Variants in GPR176 observed in about 807,000 individuals in gnomAD.
GPR176 encodes G protein-coupled receptor 176.
GPR176 carries 26 observed loss-of-function variants against 35.4 expected under a neutral mutation model. The ratio of observed to expected loss-of-function variants is 0.74; its 90% CI spans 0.54 to 1.02. The LOEUF (loss-of-function observed/expected upper bound fraction) is 1.02. GPR176 is among the 50% of genes least tolerant of loss of function. GPR176 has a pLI of 0.00. For synonymous variants in GPR176, 278 were observed against 271.3 expected, an observed-to-expected ratio of 1.02 and a Z score of -0.24; for missense variants, 597 against 665.3, an observed-to-expected ratio of 0.90 and a Z score of 1.13.
intron 1 of GPR176, among the ~76,000 whole-genome samples, chr15:39,818,360 T>C (rs1212477322): frequency 6.6e-6 from 1 of 152,236 alleles, no homozygotes; most frequent in Non-Finnish European, 1.5e-5. Context: ...GAAGAAGCTA[T>C]GTAGTAAGTT....
At chr15:39,905,608 T>A (rs2033398897) in intron 1 of GPR176, among the ~76,000 whole-genome samples, 2 of 152,040 alleles carry the variant, frequency 1.3e-5, no homozygotes, top group South Asian at 4.1e-4. Context: ...AATAAAGTCA[T>A]ATAAATGGAA....
chr15:39,806,286 C>T (rs913452209), intron 2 of GPR176, among the ~76,000 whole-genome samples: 2 of 152,192 alleles, frequency 1.3e-5, no homozygotes, highest in African/African-American at 4.8e-5. Context: ...CTTTTCAATT[C>T]TTGTTTGCTT....
intron 1 of GPR176, chr15:39,909,996 C>G: frequency 2.7e-6 from 1 of 376,984 alleles, no homozygotes; most frequent in Non-Finnish European, 3.7e-6. Context: ...ACAGGAGGAT[C>G]TGTTGTCTGC....
chr15:39,918,462 T>A (rs1033438553), intron 1 of GPR176, among the ~76,000 whole-genome samples: 2 of 152,178 alleles, frequency 1.3e-5, no homozygotes, highest in Non-Finnish European at 2.9e-5. Flanking sequence ...TGTATATATA[T>A]GTATATTGGG....
At chr15:39,806,051 C>T (rs1899170244) in intron 2 of GPR176, among the ~76,000 whole-genome samples, 1 of 152,146 alleles carries the variant, frequency 6.6e-6, no homozygotes, top group Admixed American at 6.5e-5. Flanking sequence ...GGTCCCTGGC[C>T]TGAGAGGCTG....
At chr15:39,902,845 A>G (rs1215011588) in intron 1 of GPR176, among the ~76,000 whole-genome samples, 3 of 152,238 alleles carry the variant, frequency 2.0e-5, no homozygotes, top group Admixed American at 2.0e-4. Flanking sequence ...CAGGGAGTAA[A>G]TATCACATAT....
At chr15:39,909,852 T>G in intron 1 of GPR176, 1 of 925,574 alleles carries the variant, frequency 1.1e-6, no homozygotes, top group Non-Finnish European at 1.3e-6. Context: ...TTGGTAATCT[T>G]GAGGTTTTCT....
intron 1 of GPR176, among the ~76,000 whole-genome samples, chr15:39,868,103 A>G (rs113502652): frequency 5.3e-5 from 8 of 152,176 alleles, no homozygotes; most frequent in African/African-American, 1.9e-4. Context: ...TCATTAAGAG[A>G]TAGCTAAGTG....
chr15:39,895,686 G>A (rs1245462394), intron 1 of GPR176, among the ~76,000 whole-genome samples: 3 of 152,018 alleles, frequency 2.0e-5, no homozygotes, highest in South Asian at 2.1e-4. Flanking sequence ...GATGAGGGTG[G>A]TAGAGCATTT....
At chr15:39,889,844 A>T (rs2032808700) in intron 1 of GPR176, among the ~76,000 whole-genome samples, 1 of 152,202 alleles carries the variant, frequency 6.6e-6, no homozygotes, top group Non-Finnish European at 1.5e-5. Flanking sequence ...TATGCACAAA[A>T]GAAAACACAG....
In GPR176 at chr15:39,839,435, C is replaced by T. The variant is rs146518513; in HGVS notation, c.173-32177G>A. Among the ~76,000 whole-genome samples the T allele has an allele frequency of 9.6e-3, 1,454 of 152,236 alleles. 24 individuals carry two copies. Among genetic ancestry groups the T allele is most frequent in the African/African-American group, 0.034 (1,407 of 41,534 alleles). ...AAATTGGCTAGCCATATGTAGAAAG[C>T]TGAAACTGAATCCCTTCCTCACACC... On this transcript the variant is annotated intron_variant, in intron 1 of 2. Transcript: ENST00000561100.
chr15:39,855,334 G>T (rs183551086), intron 1 of GPR176, among the ~76,000 whole-genome samples: 166 of 152,292 alleles, frequency 1.1e-3, no homozygotes, highest in African/African-American at 3.9e-3. Flanking sequence ...ATTTCGTCTT[G>T]TGTGTCCCAA....
intron 1 of GPR176, among the ~76,000 whole-genome samples, chr15:39,906,877 A>G (rs184878997): frequency 2.4e-4 from 37 of 152,384 alleles, no homozygotes; most frequent in Middle Eastern, 6.8e-3. Context: ...AGCACAAACT[A>G]TGCACCAGGC....
intron 1 of GPR176, among the ~76,000 whole-genome samples, chr15:39,817,050 C>T (rs993304654): frequency 2.0e-4 from 20 of 98,664 alleles, no homozygotes; most frequent in African/African-American, 8.1e-4. Context: ...GCCTTGGTAA[C>T]AGAGCAGGAT....
intron 1 of GPR176, among the ~76,000 whole-genome samples, chr15:39,919,178 C>G (rs2033805643): frequency 6.6e-6 from 1 of 151,976 alleles, no homozygotes; most frequent in African/African-American, 2.4e-5. Flanking sequence ...TCTTTTCTTC[C>G]CTGAACAAGT....
At chr15:39,888,282 GT>G (rs34625807) in intron 1 of GPR176, among the ~76,000 whole-genome samples, 61,358 of 151,536 alleles carry the variant, frequency 0.4, 12,749 homozygotes, top group African/African-American at 0.49. Context: ...CTTTTTATTT[GT>G]TTTTTTTGTT....
intron 1 of GPR176, among the ~76,000 whole-genome samples, chr15:39,828,522 C>T (rs539633091): frequency 3.9e-5 from 6 of 152,190 alleles, no homozygotes; most frequent in South Asian, 4.1e-4. Context: ...CTGGAGGGGC[C>T]GCCAACAGGG....
At chr15:39,864,364 A>G (rs1023164059) in intron 1 of GPR176, among the ~76,000 whole-genome samples, 1 of 152,240 alleles carries the variant, frequency 6.6e-6, no homozygotes, top group East Asian at 1.9e-4. Context: ...CTGATCTTTG[A>G]CAAAACTGAC....
intron 1 of GPR176, among the ~76,000 whole-genome samples, chr15:39,812,700 C>G (rs912554314): frequency 6.6e-5 from 10 of 152,006 alleles, no homozygotes; most frequent in African/African-American, 2.4e-4. Flanking sequence ...ACTAGAGAAC[C>G]CTGACTAATA....
Sources: allele counts gnomAD v4.1 joint callset (sites outside exome capture counted in the v4.1 genomes callset), GRCh38; gene constraint gnomAD v4.1.1; transcripts MANE v1.5; gene names NCBI Gene and HGNC (gene_info 2026-07-23, HGNC 2026-07-21).